Variants in CNTNAP5 observed in about 807,000 individuals in gnomAD.
The protein encoded by CNTNAP5 is contactin-associated protein-like 5.
A neutral mutation model predicts 150.2 loss-of-function variants in CNTNAP5; 72 were observed. The observed-to-expected ratio is 0.48, with a 90% CI of 0.40 to 0.58. The LOEUF is 0.58. Among genes scored for constraint, CNTNAP5 ranks in the 20% least tolerant of loss-of-function variants. The pLI, the probability that CNTNAP5 is intolerant of heterozygous loss-of-function variation, is 0.00. For synonymous variants in CNTNAP5, 672 were observed against 619.8 expected (o/e 1.08, Z -1.25); for missense variants, 1,636 against 1,626.2 (o/e 1.01, Z -0.10).
chr2:124,252,594 C>G (rs1468993270), intron 3 of CNTNAP5, among the ~76,000 whole-genome samples: 1 of 152,214 alleles, frequency 6.6e-6, no homozygotes, highest in Non-Finnish European at 1.5e-5. Flanking sequence ...ACACTCCCCC[C>G]TCATTCCACG....
intron 1 of CNTNAP5, among the ~76,000 whole-genome samples, chr2:124,206,131 G>T (rs1211561105): frequency 2.0e-5 from 3 of 152,324 alleles, no homozygotes; most frequent in African/African-American, 7.2e-5. Flanking sequence ...GGCCCATTCT[G>T]CTGGATAGTA....
rs1471755053 is a variant in CNTNAP5, at chr2:124,700,503, A to G, written c.2078-46726A>G. ...AGTACTTGAAGAGTCTAATTTCTCC[A>G]CAACCTTGCCAACACTTGTCATTGT... is the stretch of plus-strand genomic sequence containing the variant. On this transcript the variant is annotated intron_variant, in intron 13 of 23. Coordinates refer to ENST00000682447, the MANE Select transcript of CNTNAP5 (RefSeq NM_001367498.1). Among the ~76,000 whole-genome samples, 5 of 152,142 alleles carry G rather than the reference A, an allele frequency of 3.3e-5. 1 individual carries two copies. The highest frequency in any genetic ancestry group is 7.4e-5 in the Non-Finnish European group (5 of 68,018).
chr2:124,483,047 T>G (rs902323106), intron 7 of CNTNAP5, among the ~76,000 whole-genome samples: 6 of 152,224 alleles, frequency 3.9e-5, no homozygotes, highest in Non-Finnish European at 8.8e-5. Context: ...TCTCTCAGCC[T>G]TTGCATGTTG....
intron 13 of CNTNAP5, among the ~76,000 whole-genome samples, chr2:124,712,584 T>G (rs2105105181): frequency 6.6e-6 from 1 of 152,260 alleles, no homozygotes; most frequent in South Asian, 2.1e-4. Flanking sequence ...TTGGATGGCT[T>G]AAAAATAACG....
intron 1 of CNTNAP5, among the ~76,000 whole-genome samples, chr2:124,183,422 T>C (rs1685255072): frequency 6.6e-6 from 1 of 152,226 alleles, no homozygotes; most frequent in South Asian, 2.1e-4. Context: ...TCTTTTGAAA[T>C]ACATTCAAGT....
At chr2:124,122,539 C>T (rs992144030) in intron 1 of CNTNAP5, among the ~76,000 whole-genome samples, 7 of 152,256 alleles carry the variant, frequency 4.6e-5, no homozygotes, top group African/African-American at 1.7e-4. Context: ...ATGAGGTTCA[C>T]TAAAATGAGT....
chr2:124,568,248 T>C (rs1238791232), intron 11 of CNTNAP5, among the ~76,000 whole-genome samples: 2 of 152,196 alleles, frequency 1.3e-5, no homozygotes, highest in Admixed American at 1.3e-4. Context: ...TTTTGTGTTC[T>C]AGAATAATCA....
At chr2:124,592,867 T>C (rs969574075) in intron 11 of CNTNAP5, among the ~76,000 whole-genome samples, 23 of 152,178 alleles carry the variant, frequency 1.5e-4, no homozygotes, top group Admixed American at 1.2e-3. Flanking sequence ...TGCTTTGTGA[T>C]GCAAATTGTA....
At chr2:124,334,692 T>A (rs113345190) in intron 3 of CNTNAP5, among the ~76,000 whole-genome samples, 10,007 of 152,204 alleles carry the variant, frequency 0.066, 367 homozygotes, top group African/African-American at 0.087. Flanking sequence ...TTGTTTTAGG[T>A]CAGATTTTTG....
intron 11 of CNTNAP5, among the ~76,000 whole-genome samples, chr2:124,606,650 G>A (rs1321438847): frequency 1.3e-5 from 2 of 152,164 alleles, no homozygotes; most frequent in African/African-American, 4.8e-5. Flanking sequence ...CCCATGGCTG[G>A]GAAAACCTCA....
chr2:124,465,763 T>C (rs923980703), intron 6 of CNTNAP5, among the ~76,000 whole-genome samples: 2 of 152,120 alleles, frequency 1.3e-5, no homozygotes, highest in African/African-American at 4.8e-5. Context: ...CCTCCCCTCA[T>C]AGTGCTTGCA....
chr2:124,551,227 G>A (rs547900052), intron 10 of CNTNAP5, among the ~76,000 whole-genome samples: 7 of 152,038 alleles, frequency 4.6e-5, no homozygotes, highest in South Asian at 2.1e-4. Flanking sequence ...GGGGATCATC[G>A]CAACAATCTG....
chr2:124,778,826 A>C (rs1257850414), intron 17 of CNTNAP5, among the ~76,000 whole-genome samples: 1 of 151,302 alleles, frequency 6.6e-6, no homozygotes, highest in Admixed American at 6.6e-5. Flanking sequence ...GGATTGTAAC[A>C]AATAGAGACA....
chr2:124,487,410 C>T (rs1175096719), intron 7 of CNTNAP5, among the ~76,000 whole-genome samples: 2 of 152,130 alleles, frequency 1.3e-5, no homozygotes, highest in Non-Finnish European at 1.5e-5. Context: ...ACAGAAATTT[C>T]GTATCCAAAC....
intron 1 of CNTNAP5, among the ~76,000 whole-genome samples, chr2:124,031,550 G>A (rs1270215752): frequency 6.6e-6 from 1 of 152,166 alleles, no homozygotes; most frequent in Non-Finnish European, 1.5e-5. Context: ...ATGAGCCCCT[G>A]CAGCTATAGA....
intron 1 of CNTNAP5, among the ~76,000 whole-genome samples, chr2:124,186,638 G>A (rs1232633620): frequency 2.6e-5 from 4 of 152,120 alleles, no homozygotes; most frequent in East Asian, 3.9e-4. Context: ...ACCTGAGGGC[G>A]GAGATGTCTC....
At chr2:124,650,442 T>C (rs1678297508) in intron 13 of CNTNAP5, among the ~76,000 whole-genome samples, 1 of 152,162 alleles carries the variant, frequency 6.6e-6, no homozygotes, top group African/African-American at 2.4e-5. Flanking sequence ...AAACAATATA[T>C]AACATTTGTA....
intron 13 of CNTNAP5, among the ~76,000 whole-genome samples, chr2:124,706,785 GA>G (rs1679653482): frequency 8.4e-5 from 3 of 35,890 alleles, no homozygotes; most frequent in Non-Finnish European, 1.6e-4. Context: ...AGAAGAAGAA[GA>G]AGAAGAAGAA....
At chr2:124,341,289 C>T (rs895719260) in intron 3 of CNTNAP5, among the ~76,000 whole-genome samples, 1 of 152,056 alleles carries the variant, frequency 6.6e-6, no homozygotes, top group Non-Finnish European at 1.5e-5. Flanking sequence ...TACTCAGAAA[C>T]AAGACATGGT....
Sources: gnomAD v4.1 joint callset for allele counts (sites outside exome capture counted in the v4.1 genomes callset) on GRCh38, gnomAD v4.1.1 for gene constraint, MANE v1.5 for transcripts, NCBI Gene and HGNC (gene_info 2026-07-23, HGNC 2026-07-21) for gene names.